Variants in TMEM154 observed in about 807,000 individuals in gnomAD.
The protein encoded by TMEM154 is transmembrane protein 154.
A neutral mutation model predicts 24.5 loss-of-function variants in TMEM154; 27 were observed. The observed-to-expected ratio is 1.10, with a 90% CI of 0.81 to 1.52. TMEM154 has a LOEUF of 1.52. Among genes scored for constraint, TMEM154 ranks in the 40% most tolerant of loss-of-function variants. The probability of loss-of-function intolerance (pLI) is 0.00; values close to 1 mark genes in which losing one functional copy is unlikely to be tolerated. For missense variants in TMEM154, 228 were observed against 213.4 expected, an observed-to-expected ratio of 1.07 and a Z score of -0.43; for synonymous variants, 67 against 76.8, an observed-to-expected ratio of 0.87 and a Z score of 0.67.
At position 152,627,523 on chromosome 4, in the gene TMEM154, G is replaced by A. The variant is rs556769904; in HGVS notation, c.*1023C>T. 2 of 152,164 alleles carry A rather than the reference G, an allele frequency of 1.3e-5. No individual in the cohort carries two copies. The highest frequency in any genetic ancestry group is 1.3e-4 in the Admixed American group (2 of 15,276). The allele number at this position is 152,164 out of a possible 1,614,324, so 9.4% of individuals were successfully genotyped here. On this transcript the variant is annotated 3_prime_UTR_variant, in exon 7 of 7. Transcript: ENST00000304385. Reference sequence around the variant, plus strand: ...ACAAGGATGTCAAAAATATCACATAGAATGTCATCTCTGATGGACTGACAG... The same window carrying A: ...ACAAGGATGTCAAAAATATCACATAAAATGTCATCTCTGATGGACTGACAG...
intron 1 of TMEM154, among the ~76,000 whole-genome samples, chr4:152,657,153 G>C (rs1728508000): frequency 6.8e-6 from 1 of 146,162 alleles, no homozygotes; most frequent in Non-Finnish European, 1.5e-5. Context: ...AATGAGAAAA[G>C]CCTGTGTGAC....
At chr4:152,640,735 G>A (rs975498775) in intron 6 of TMEM154, among the ~76,000 whole-genome samples, 193 bp downstream of exon 6, 2 of 152,236 alleles carry the variant, frequency 1.3e-5, no homozygotes, top group African/African-American at 4.8e-5. Flanking sequence ...AGAGTCCTAG[G>A]ATATTTACTT....
At chr4:152,637,134 CA>C (rs1207636014) in intron 6 of TMEM154, among the ~76,000 whole-genome samples, 1 of 152,198 alleles carries the variant, frequency 6.6e-6, no homozygotes, top group Non-Finnish European at 1.5e-5. Flanking sequence ...ATTTTCTGCT[CA>C]ATTTTGCTGT....
intron 5 of TMEM154, chr4:152,641,459 A>C (rs1408558556): frequency 6.5e-6 from 1 of 152,694 alleles, no homozygotes; most frequent in Non-Finnish European, 1.5e-5. Flanking sequence ...TTTTAAGGGC[A>C]AAAAAATTCT....
chr4:152,656,357 T>C (rs1728492302), intron 1 of TMEM154, among the ~76,000 whole-genome samples: 1 of 152,040 alleles, frequency 6.6e-6, no homozygotes, highest in Non-Finnish European at 1.5e-5. Flanking sequence ...AGGACAGATA[T>C]GCTCAACCCA....
intron 6 of TMEM154, among the ~76,000 whole-genome samples, chr4:152,634,088 A>G (rs1752103251): frequency 1.3e-5 from 2 of 151,032 alleles, no homozygotes; most frequent in African/African-American, 4.9e-5. Flanking sequence ...AAAATCCTGT[A>G]TAGTAACAGG....
intron 4 of TMEM154, 49 bp from the exon 5 acceptor site, chr4:152,643,222 C>A: frequency 7.4e-7 from 1 of 1,356,158 alleles, no homozygotes; most frequent in Admixed American, 1.9e-5. Context: ...TGAAAGATGC[C>A]TAATTTCATT....
chr4:152,676,890 T>C (rs1728961615), intron 1 of TMEM154, among the ~76,000 whole-genome samples: 1 of 152,214 alleles, frequency 6.6e-6, no homozygotes, highest in African/African-American at 2.4e-5. Flanking sequence ...TTCTGCCTCA[T>C]GGCCTTCAGC....
At chr4:152,676,399 G>A (rs55876265) in intron 1 of TMEM154, among the ~76,000 whole-genome samples, 2,265 of 152,308 alleles carry the variant, frequency 0.015, 24 homozygotes, top group Non-Finnish European at 0.023. Flanking sequence ...AGGTAGTATG[G>A]AGTATGGTTA....
intron 3 of TMEM154, among the ~76,000 whole-genome samples, chr4:152,651,925 G>T (rs1333066168): frequency 6.6e-6 from 1 of 152,146 alleles, no homozygotes; most frequent in Non-Finnish European, 1.5e-5. Flanking sequence ...GTTATGAATT[G>T]GCCTAATTTC....
At position 152,619,670 on chromosome 4, in the gene TMEM154, T is replaced by A. The variant is rs1361955206; in HGVS notation, c.*8876A>T. ...CCATGCTGTGAAGAAGCCCAAGGAG[T>A]CTATGGAGAGGCCCACATCATAAAA... On this transcript the variant is annotated 3_prime_UTR_variant, in exon 7 of 7. Coordinates refer to ENST00000304385, the MANE Select transcript of TMEM154 (RefSeq NM_152680.3). The A allele has an allele frequency of 6.6e-6, 1 of 151,792 alleles. No individual in the cohort carries two copies. Among genetic ancestry groups the A allele is most frequent in the Non-Finnish European group, 1.5e-5 (1 of 67,952 alleles). The allele number at this position is 151,792 out of a possible 1,614,324, so 9.4% of individuals were successfully genotyped here. A position where few individuals can be genotyped will look rare whatever the true frequency, so the allele number is the denominator to read the frequency against.
chr4:152,672,557 T>A (rs1388857978), intron 1 of TMEM154, among the ~76,000 whole-genome samples: 1 of 152,184 alleles, frequency 6.6e-6, no homozygotes, highest in Non-Finnish European at 1.5e-5. Context: ...CGATCTGAAA[T>A]CTGTACCTGA....
At chr4:152,663,316 C>T (rs1322439841) in intron 1 of TMEM154, among the ~76,000 whole-genome samples, 1 of 152,124 alleles carries the variant, frequency 6.6e-6, no homozygotes, top group East Asian at 1.9e-4. Flanking sequence ...GGGCATATTT[C>T]AGGGTAAAAG....
At chr4:152,648,457 C>T (rs758971907) in intron 3 of TMEM154, among the ~76,000 whole-genome samples, 9 of 152,126 alleles carry the variant, frequency 5.9e-5, no homozygotes, top group Non-Finnish European at 8.8e-5. Flanking sequence ...ATTGTGCCAC[C>T]GCATTCCAGC....
Position 152,644,448 on chromosome 4 carries a change from A to G in TMEM154, c.365-6T>C. On this transcript the variant is annotated splice_polypyrimidine_tract_variant and splice_region_variant and intron_variant, in intron 3 of 6. Coordinates refer to ENST00000304385, the MANE Select transcript of TMEM154 (RefSeq NM_152680.3). ...GTTTTCACTTCCCAGTTCATCTAAA[A>G]GGAAATGAACATAAAGGTCATGTTA... is the stretch of plus-strand genomic sequence containing the variant. 5 of 1,614,190 alleles carry G rather than the reference A, an allele frequency of 3.1e-6. No homozygotes were observed. The highest frequency in any genetic ancestry group is 3.4e-6 in the Non-Finnish European group (4 of 1,179,994).
intron 1 of TMEM154, among the ~76,000 whole-genome samples, chr4:152,675,328 A>T (rs183103432): frequency 1.1e-3 from 161 of 152,256 alleles, no homozygotes; most frequent in African/African-American, 3.7e-3. Flanking sequence ...CACAATGTGT[A>T]TAAAAAAAGA....
rs147064545 is a variant in TMEM154, at chr4:152,637,685, CTTGT to C, written c.536+3239_536+3242del. On this transcript the variant is annotated intron_variant, in intron 6 of 6. Coordinates refer to ENST00000304385, the MANE Select transcript of TMEM154 (RefSeq NM_152680.3). ...ATTAAAACTCAGAGAGCTAAAGTGA[CTTGT>C]TTTAGTCTAAAGAACAAACAAGCAT... Among the ~76,000 whole-genome samples, 1,400 of 152,300 alleles carry C rather than the reference CTTGT, an allele frequency of 9.2e-3. 19 individuals are homozygous for C. The highest frequency in any genetic ancestry group is 0.031 in the African/African-American group (1,292 of 41,566).
chr4:152,645,640 A>C (rs138049667), intron 3 of TMEM154, among the ~76,000 whole-genome samples: 1 of 152,180 alleles, frequency 6.6e-6, no homozygotes, highest in East Asian at 1.9e-4. Context: ...GATCCTTGGC[A>C]CTTAAAGGCC....
chr4:152,646,259 G>A (rs1728227131), intron 3 of TMEM154, among the ~76,000 whole-genome samples: 1 of 152,106 alleles, frequency 6.6e-6, no homozygotes, highest in Non-Finnish European at 1.5e-5. Flanking sequence ...GCAAAAGCTA[G>A]CCTGCAAGCA....
Sources: allele counts gnomAD v4.1 joint callset (sites outside exome capture counted in the v4.1 genomes callset), GRCh38; gene constraint gnomAD v4.1.1; transcripts MANE v1.5; gene names NCBI Gene and HGNC (gene_info 2026-07-23, HGNC 2026-07-21).